The following CNTN5 variants were observed in gnomAD, a reference collection of about 807,000 sequenced individuals.
The protein encoded by CNTN5 is contactin-5.
CNTN5 carries 77 observed loss-of-function variants against 129.1 expected under a neutral mutation model. That is an observed-to-expected ratio of 0.60 (90% CI 0.50 to 0.72). The LOEUF (loss-of-function observed/expected upper bound fraction) is 0.72, where lower values mean the gene tolerates loss of function less well. CNTN5 is among the 30% of genes least tolerant of loss of function. CNTN5 has a pLI of 0.00. For missense variants in CNTN5, 1,478 were observed against 1,328.8 expected, an observed-to-expected ratio of 1.11 and a Z score of -1.75; for synonymous variants, 509 against 465.6, an observed-to-expected ratio of 1.09 and a Z score of -1.20.
intron 6 of CNTN5, among the ~76,000 whole-genome samples, chr11:99,867,717 T>A (rs1017626010): frequency 1.3e-5 from 2 of 152,194 alleles, no homozygotes; most frequent in African/African-American, 4.8e-5. Context: ...TCCAGTAGAA[T>A]CTCTCTATTA....
At chr11:99,099,418 T>G (rs1866617640) in intron 1 of CNTN5, among the ~76,000 whole-genome samples, 1 of 152,146 alleles carries the variant, frequency 6.6e-6, no homozygotes, top group Admixed American at 6.6e-5. Context: ...TCTTTTCTAC[T>G]GTGTAATATT....
At chr11:99,970,901 T>C (rs1429930521) in intron 8 of CNTN5, among the ~76,000 whole-genome samples, 1 of 152,168 alleles carries the variant, frequency 6.6e-6, no homozygotes, top group Non-Finnish European at 1.5e-5. Context: ...CCTCACAGTT[T>C]TCTGACTCCA....
chr11:99,723,111 C>T (rs1349198883), intron 3 of CNTN5, among the ~76,000 whole-genome samples: 1 of 151,886 alleles, frequency 6.6e-6, no homozygotes, highest in African/African-American at 2.4e-5. Context: ...ATTGTTATTT[C>T]TATGCTCATA....
At chr11:100,340,798 C>A in intron 22 of CNTN5, 149 bp downstream of exon 22, 1 of 756,544 alleles carries the variant, frequency 1.3e-6, no homozygotes, top group Non-Finnish European at 2.1e-6. Flanking sequence ...AATCCTCAAA[C>A]TAGCTCAGAA....
intron 6 of CNTN5, among the ~76,000 whole-genome samples, chr11:99,878,639 C>T (rs1591354731): frequency 1.3e-5 from 2 of 152,122 alleles, no homozygotes; most frequent in African/African-American, 2.4e-5. Context: ...AGGCGGATCA[C>T]GAGGTCAAGA....
At chr11:100,123,817 C>G (rs1946099636) in intron 13 of CNTN5, among the ~76,000 whole-genome samples, 1 of 151,656 alleles carries the variant, frequency 6.6e-6, no homozygotes, top group Non-Finnish European at 1.5e-5. Flanking sequence ...ATTGAGTTAA[C>G]CAGTATTTAT....
chr11:100,225,634 A>G lies in CNTN5; in HGVS notation c.2005+822A>G, dbSNP rs569771601. ...AACAATGACAAAATAAACACACCAT[A>G]TAACTATCATTCAAAGTAAAAACCA... On this transcript the variant is annotated intron_variant, in intron 16 of 24. Coordinates refer to ENST00000524871, the MANE Select transcript of CNTN5 (RefSeq NM_014361.4). 3.9e-5 allele frequency among the ~76,000 whole-genome samples: 6 copies of G among 152,214 alleles called. No homozygotes were observed. The East Asian group carries it at 9.6e-4, about 24-fold the overall frequency.
At chr11:99,920,398 A>G (rs1050613606) in intron 7 of CNTN5, among the ~76,000 whole-genome samples, 1 of 152,130 alleles carries the variant, frequency 6.6e-6, no homozygotes, top group African/African-American at 2.4e-5. Flanking sequence ...AATATCTAAA[A>G]TCTCCCTAAC....
At chr11:99,064,195 C>T (rs958516171) in intron 1 of CNTN5, among the ~76,000 whole-genome samples, 1 of 152,194 alleles carries the variant, frequency 6.6e-6, no homozygotes, top group African/African-American at 2.4e-5. Context: ...TCTCCACAAC[C>T]AAGTTACATC....
intron 2 of CNTN5, among the ~76,000 whole-genome samples, chr11:99,486,785 A>G (rs1043028719): frequency 6.6e-6 from 1 of 152,186 alleles, no homozygotes; most frequent in African/African-American, 2.4e-5. Flanking sequence ...CTTTTGAAAC[A>G]GAGTGCAGAG....
chr11:99,392,263 A>C (rs776070135), intron 2 of CNTN5, among the ~76,000 whole-genome samples: 48 of 151,818 alleles, frequency 3.2e-4, no homozygotes, highest in Non-Finnish European at 5.3e-4. Flanking sequence ...TAGTTATTAT[A>C]CTTACATATA....
At chr11:99,108,420 A>G (rs550572137) in intron 1 of CNTN5, among the ~76,000 whole-genome samples, 1 of 152,266 alleles carries the variant, frequency 6.6e-6, no homozygotes, top group African/African-American at 2.4e-5. Context: ...TCAGGCATTT[A>G]GGAGAAAAGA....
At chr11:99,835,184 A>G (rs535907252) in intron 4 of CNTN5, among the ~76,000 whole-genome samples, 1 of 152,224 alleles carries the variant, frequency 6.6e-6, no homozygotes, top group African/African-American at 2.4e-5. Flanking sequence ...ATTGGTTCAG[A>G]TGCAGAAACT....
At chr11:99,597,020 T>A (rs76128728) in intron 3 of CNTN5, among the ~76,000 whole-genome samples, 1,950 of 152,228 alleles carry the variant, frequency 0.013, 41 homozygotes, top group African/African-American at 0.044. Context: ...TAAGTTTTCT[T>A]TATACATCTA....
intron 2 of CNTN5, among the ~76,000 whole-genome samples, chr11:99,528,447 A>G (rs1018029066): frequency 3.9e-5 from 6 of 152,232 alleles, no homozygotes; most frequent in Admixed American, 1.3e-4. Context: ...ACCAAGCTTT[A>G]TAACTGGAGT....
At chr11:99,911,428 A>G (rs1037177242) in intron 6 of CNTN5, among the ~76,000 whole-genome samples, 3 of 152,014 alleles carry the variant, frequency 2.0e-5, no homozygotes, top group Admixed American at 2.0e-4. Flanking sequence ...ACTGGGAAAC[A>G]TAAGTCCAGG....
chr11:99,307,611 A>G (rs955650431), intron 1 of CNTN5, among the ~76,000 whole-genome samples: 3 of 152,130 alleles, frequency 2.0e-5, no homozygotes, highest in African/African-American at 7.2e-5. Flanking sequence ...TCATGATTCA[A>G]TCTGTGAGCT....
intron 2 of CNTN5, among the ~76,000 whole-genome samples, chr11:99,492,879 C>T (rs967699104): frequency 6.6e-6 from 1 of 152,092 alleles, no homozygotes; most frequent in African/African-American, 2.4e-5. Context: ...CCGTGAGGAC[C>T]GTTTGTTCAG....
At position 99,472,385 on chromosome 11, in the gene CNTN5, CATTTA is replaced by C. The variant is rs200613588; in HGVS notation, c.-70-83759_-70-83755del. Among the ~76,000 whole-genome samples the C allele has an allele frequency of 3.2e-3, 465 of 144,992 alleles. 1 individual carries two copies. The highest frequency in any genetic ancestry group is 0.013 in the African/African-American group (454 of 34,772). The stretch of plus-strand genomic sequence containing the variant: ...TACCTTCTTTTCTTGGCATTTACTT[CATTTA>C]CTGCAAATTTTGTGTAGTCTGTTTC... On this transcript the variant is annotated intron_variant, in intron 2 of 24. Coordinates refer to ENST00000524871, the MANE Select transcript of CNTN5 (RefSeq NM_014361.4).
Sources: allele counts gnomAD v4.1 joint callset (sites outside exome capture counted in the v4.1 genomes callset), GRCh38; gene constraint gnomAD v4.1.1; transcripts MANE v1.5; gene names NCBI Gene and HGNC (gene_info 2026-07-23, HGNC 2026-07-21).